Variants in PILRB observed in about 807,000 individuals in gnomAD.
The protein encoded by PILRB is paired immunoglobulin-like type 2 receptor beta.
Under a neutral mutation model 20.5 loss-of-function variants are expected in PILRB, and 21 were observed. The ratio of observed to expected loss-of-function variants is 1.02; its 90% CI spans 0.72 to 1.47. The LOEUF (loss-of-function observed/expected upper bound fraction) is 1.47. PILRB is among the 40% of genes most tolerant of loss of function. The pLI, the probability that PILRB is intolerant of heterozygous loss-of-function variation, is 0.00. For synonymous variants in PILRB, 133 were observed against 115.1 expected (o/e 1.16, Z -0.99); for missense variants, 253 against 272.1 (o/e 0.93, Z 0.49).
chr7:100,367,355 G>C lies in PILRB; in HGVS notation c.662G>C (p.Arg221Thr). Residue 221 changes from arginine to threonine, a missense_variant, in exon 4 of 4, where the codon AGG becomes ACG. Transcript: ENST00000609309. ...LLWWRRRKGSRAPSSDF is the reference protein window; with the variant it reads ...LLWWRRRKGSTAPSSDF ...AACACTTCCCCTCCTGCAGGTAGCA[G>C]GGCGCCAAGCAGTGACTTCTGACCA... The C allele has an allele frequency of 1.3e-6, 1 of 780,980 alleles. No homozygotes were observed. The highest frequency in any genetic ancestry group is 2.4e-5 in the East Asian group (1 of 41,258). The allele number at this position is 780,980 out of a possible 1,614,324, so 48.4% of individuals were successfully genotyped here. A position where few individuals can be genotyped will look rare whatever the true frequency, so the allele number is the denominator to read the frequency against.
At chr7:100,362,698 G>T (rs550231200) in intron 3 of PILRB, among the ~76,000 whole-genome samples, 2 of 151,958 alleles carry the variant, frequency 1.3e-5, no homozygotes, top group Non-Finnish European at 2.9e-5. Flanking sequence ...TGGAAGAAAC[G>T]TGGTTTTACT....
At chr7:100,363,065 AG>A (rs1790576637) in intron 3 of PILRB, among the ~76,000 whole-genome samples, 1 of 150,316 alleles carries the variant, frequency 6.7e-6, no homozygotes, top group Non-Finnish European at 1.5e-5. Context: ...AAGTCGAGGC[AG>A]GTGGATTACA....
Position 100,359,318 on chromosome 7 carries a change from C to G in PILRB, c.455-19C>G. 6.2e-7 allele frequency: 1 copy of G among 1,612,062 alleles called. No individual in the cohort carries two copies. Among genetic ancestry groups the G allele is most frequent in the Non-Finnish European group, 8.5e-7 (1 of 1,178,320 alleles). Reference sequence around the variant, plus strand: ...CCACACCCCCAGAAGAGGGTCTGCTCATTCCTCATCTCTTCCAGCTGTCAC... The same window carrying G: ...CCACACCCCCAGAAGAGGGTCTGCTGATTCCTCATCTCTTCCAGCTGTCAC... On this transcript the variant is annotated intron_variant, in intron 2 of 3. Coordinates refer to ENST00000609309, the MANE Select transcript of PILRB (RefSeq NM_178238.4).
chr7:100,358,337 T>TG lies in PILRB; in HGVS notation c.36dup (p.Leu13AlafsTer208). The TG allele has an allele frequency of 6.2e-7, 1 of 1,612,802 alleles. No individual in the cohort carries two copies. Among genetic ancestry groups the TG allele is most frequent in the Non-Finnish European group, 8.5e-7 (1 of 1,179,876 alleles). ...CCCCTGCTGCTGCCCCTGCTGCTCCTGCTGCAGCCGCCAGCATTTCTGCAG... is the reference window on the plus strand; with the variant it reads ...CCCCTGCTGCTGCCCCTGCTGCTCCTGGCTGCAGCCGCCAGCATTTCTGCAG... On this transcript the variant is annotated frameshift_variant, in exon 1 of 4. Coordinates refer to ENST00000609309, the MANE Select transcript of PILRB (RefSeq NM_178238.4). LOFTEE classifies it high-confidence loss of function.
At chr7:100,363,060 G>A (rs1484954974) in intron 3 of PILRB, among the ~76,000 whole-genome samples, 3 of 150,190 alleles carry the variant, frequency 2.0e-5, no homozygotes, top group East Asian at 2.0e-4. Context: ...TTTGGAAGTC[G>A]AGGCAGGTGG....
chr7:100,362,809 G>A (rs1225624830), intron 3 of PILRB, among the ~76,000 whole-genome samples: 3 of 151,930 alleles, frequency 2.0e-5, no homozygotes, highest in Admixed American at 2.0e-4. Flanking sequence ...TGCCCAGCCT[G>A]AACACCCTTT....
chr7:100,358,569 A>T, intron 1 of PILRB, 121 bp from the exon 2 acceptor site: 1 of 1,356,988 alleles, frequency 7.4e-7, no homozygotes, highest in Non-Finnish European at 1.0e-6. Flanking sequence ...GCCAGAGGTC[A>T]GTCCAGCCAC....
chr7:100,365,932 A>G (rs574707104), intron 3 of PILRB, among the ~76,000 whole-genome samples: 102 of 147,302 alleles, frequency 6.9e-4, no homozygotes, highest in African/African-American at 2.4e-3. Context: ...AATGGTTAGG[A>G]TGGTAAATTC....
rs184010208 is a variant in PILRB, at chr7:100,367,763, A to G, written c.*386A>G. 2.5e-5 allele frequency: 5 copies of G among 203,756 alleles called. No homozygotes were observed. In the East Asian group the frequency reaches 6.2e-4, roughly 25 times the overall value. 12.6% of individuals were successfully genotyped at this position (203,756 alleles called of 1,614,324 possible). A position where few individuals can be genotyped will look rare whatever the true frequency, so the allele number is the denominator to read the frequency against. On this transcript the variant is annotated 3_prime_UTR_variant, in exon 4 of 4. Transcript: ENST00000609309. ...CCTTTTCTCCTCGTCCACATTTTCC[A>G]ATCTGTATGGTGGCTGTCTTCTATG... is the stretch of plus-strand genomic sequence containing the variant.
rs573526611 is a variant in PILRB, at chr7:100,360,899, G to A, written c.655+1362G>A. Among the ~76,000 whole-genome samples, 82 of 152,168 alleles carry A rather than the reference G, an allele frequency of 5.4e-4. 2 individuals are homozygous for A. In the South Asian group the frequency reaches 0.016, roughly 30 times the overall value. On this transcript the variant is annotated intron_variant, in intron 3 of 3. Transcript: ENST00000609309. ...GAGGAGACTATGTTTGGAGGGGAGC[G>A]ATGCCTCGTTTAGTTCGGAATTTGT...
chr7:100,366,676 G>T (rs1198064812), intron 3 of PILRB, among the ~76,000 whole-genome samples: 1 of 151,974 alleles, frequency 6.6e-6, no homozygotes, highest in Non-Finnish European at 1.5e-5. Flanking sequence ...AGACACAGCC[G>T]CCACCCAGAA....
At chr7:100,362,633 C>A (rs549643639) in intron 3 of PILRB, among the ~76,000 whole-genome samples, 1 of 151,904 alleles carries the variant, frequency 6.6e-6, no homozygotes. Flanking sequence ...CTCATCCTTT[C>A]GAGGAGCTAG....
At chr7:100,364,805 G>C (rs1466479232) in intron 3 of PILRB, among the ~76,000 whole-genome samples, 1 of 152,108 alleles carries the variant, frequency 6.6e-6, no homozygotes, top group East Asian at 1.9e-4. Flanking sequence ...CAACTGAAAT[G>C]TCCATCAAAC....
intron 3 of PILRB, among the ~76,000 whole-genome samples, chr7:100,365,949 GTTTTT>G (rs769960565): frequency 7.8e-6 from 1 of 127,806 alleles, no homozygotes; most frequent in African/African-American, 2.8e-5. Flanking sequence ...ATTCTAGGTG[GTTTTT>G]TTTTTTTTTT....
chr7:100,358,199 G>T lies in PILRB; in HGVS notation c.-104G>T, dbSNP rs1790414471. 4 of 1,388,784 alleles carry T rather than the reference G, an allele frequency of 2.9e-6. No individual in the cohort carries two copies. 86.0% of individuals were successfully genotyped at this position (1,388,784 alleles called of 1,614,324 possible). A position where few individuals can be genotyped will look rare whatever the true frequency, so the allele number is the denominator to read the frequency against. On this transcript the variant is annotated 5_prime_UTR_variant, in exon 1 of 4. Transcript: ENST00000609309. ...ACAGCCCTCTGGGGAGCCTCACCCTGGCTCTCCCCACTCACCTCAGCCCTC... is the reference window on the plus strand; with the variant it reads ...ACAGCCCTCTGGGGAGCCTCACCCTTGCTCTCCCCACTCACCTCAGCCCTC...
rs1790443135 is a variant in PILRB, at chr7:100,358,854, C to T, written c.229C>T (p.His77Tyr). Residue 77 changes from histidine to tyrosine, a missense_variant, in exon 2 of 4, where the codon CAC (histidine) becomes TAC (tyrosine). Physicochemically the swap from His to Tyr is moderately conservative, Grantham distance 83 (BLOSUM62 2). Coordinates refer to ENST00000609309, the MANE Select transcript of PILRB (RefSeq NM_178238.4). ...VRISWRRGHFHGQSFYSTRPP... is the reference protein window; with the variant it reads ...VRISWRRGHFYGQSFYSTRPP... ...AATATCCTGGAGACGGGGCCACTTC[C>T]ACGGGCAGTCCTTCTACAGCACAAG... 1 of 1,614,188 alleles carries T rather than the reference C, an allele frequency of 6.2e-7. No homozygotes were observed. Among genetic ancestry groups the T allele is most frequent in the Non-Finnish European group, 8.5e-7 (1 of 1,180,032 alleles).
At chr7:100,364,921 T>TCCC (rs1165136380) in intron 3 of PILRB, among the ~76,000 whole-genome samples, 1 of 152,006 alleles carries the variant, frequency 6.6e-6, no homozygotes, top group African/African-American at 2.4e-5. Context: ...GCCACTGCAC[T>TCCC]CCATCCTGGG....
Position 100,359,378 on chromosome 7 carries a change from ACCAT to A in PILRB, c.497_500del (p.Thr166LysfsTer18). 1 of 1,613,942 alleles carries A rather than the reference ACCAT, an allele frequency of 6.2e-7. No homozygotes were observed. Among genetic ancestry groups the A allele is most frequent in the Non-Finnish European group, 8.5e-7 (1 of 1,179,984 alleles). On this transcript the variant is annotated frameshift_variant, in exon 3 of 4. Coordinates refer to ENST00000609309, the MANE Select transcript of PILRB (RefSeq NM_178238.4). LOFTEE classifies it high-confidence loss of function. ...CACCTGGAGGCCCAGCAGCACAACC[ACCAT>A]AGCCGGCCTCAGGGTCACAGAAAGC...
At chr7:100,363,409 A>G (rs1234258658) in intron 3 of PILRB, among the ~76,000 whole-genome samples, 1 of 152,226 alleles carries the variant, frequency 6.6e-6, no homozygotes, top group Admixed American at 6.5e-5. Flanking sequence ...GAAAATTAAG[A>G]AAACAATTCC....
Sources: gnomAD v4.1 joint callset for allele counts (sites outside exome capture counted in the v4.1 genomes callset) on GRCh38, gnomAD v4.1.1 for gene constraint, MANE v1.5 for transcripts, NCBI Gene and HGNC (gene_info 2026-07-23, HGNC 2026-07-21) for gene names.